VPS41: variants seen among roughly 807,000 people sequenced by gnomAD.
VPS41 encodes the protein VPS41 subunit of HOPS complex.
Under a neutral mutation model 130.9 loss-of-function variants are expected in VPS41, and 85 were observed. The ratio of observed to expected loss-of-function variants is 0.65; its 90% CI spans 0.55 to 0.78. VPS41 has a LOEUF of 0.78. Among genes scored for constraint, VPS41 ranks in the 30% least tolerant of loss-of-function variants. The pLI is 0.00. For missense variants in VPS41, 874 were observed against 1,018.7 expected (o/e 0.86, Z 1.93); for synonymous variants, 335 against 332.9 (o/e 1.01, Z -0.07).
chr7:38,799,459 T>G (rs1784683773), intron 7 of VPS41, among the ~76,000 whole-genome samples: 1 of 151,874 alleles, frequency 6.6e-6, no homozygotes, highest in South Asian at 2.1e-4. Flanking sequence ...CAATCAAAGT[T>G]GTAAAAAAAA....
In VPS41 at chr7:38,830,337, A is replaced by G. The variant is rs1725104058; in HGVS notation, c.247-9T>C. The G allele has an allele frequency of 1.3e-6, 2 of 1,555,756 alleles. No individual in the cohort carries two copies. The highest frequency in any genetic ancestry group is 1.8e-6 in the Non-Finnish European group (2 of 1,126,742). On this transcript the variant is annotated splice_polypyrimidine_tract_variant and intron_variant, in intron 4 of 28. Transcript: ENST00000310301. ...TTTATCTTCACAGGACTCTAAAAAG[A>G]AAAAGACAAAAAGATGTGTAAAACT...
chr7:38,814,408 T>C (rs1251078604), intron 7 of VPS41, among the ~76,000 whole-genome samples: 4 of 152,136 alleles, frequency 2.6e-5, no homozygotes, highest in African/African-American at 7.2e-5. Flanking sequence ...GCCCAGCACT[T>C]TGGAAGGCCG....
At chr7:38,736,562 T>C (rs1295897099) in intron 25 of VPS41, among the ~76,000 whole-genome samples, 1 of 152,250 alleles carries the variant, frequency 6.6e-6, no homozygotes, top group Non-Finnish European at 1.5e-5. Context: ...CAATTCTGTA[T>C]GTGACTCTGG....
chr7:38,902,474 T>TA (rs1272722624), intron 1 of VPS41, among the ~76,000 whole-genome samples: 1 of 152,138 alleles, frequency 6.6e-6, no homozygotes, highest in Non-Finnish European at 1.5e-5. Context: ...GTGGTGTTTT[T>TA]AAAAAAGCTT....
At chr7:38,777,628 C>G (rs1042617733) in intron 10 of VPS41, among the ~76,000 whole-genome samples, 30 of 152,326 alleles carry the variant, frequency 2.0e-4, no homozygotes, top group African/African-American at 3.4e-4. Context: ...AAATCATACT[C>G]TACACTTCAC....
chr7:38,866,778 G>C (rs543734652), intron 3 of VPS41, among the ~76,000 whole-genome samples: 97 of 152,286 alleles, frequency 6.4e-4, no homozygotes, highest in Non-Finnish European at 1.2e-3. Context: ...ACACGTAAAG[G>C]AAAAGTGGAG....
rs1401992063 is a variant in VPS41 at position 38,898,044 on chromosome 7, C to A, written c.60+47G>T. On this transcript the variant is annotated intron_variant, in intron 2 of 28. Coordinates refer to ENST00000310301, the MANE Select transcript of VPS41 (RefSeq NM_014396.4). ...AGCAAAGAAGCGCAACTCAAGAGAA[C>A]AACGTGGTGAGCTACAAATCCGAGG... is the stretch of plus-strand genomic sequence containing the variant. The A allele has an allele frequency of 1.9e-6, 3 of 1,585,342 alleles. No homozygotes were observed. In the East Asian group the frequency reaches 6.7e-5, roughly 35 times the overall value.
At chr7:38,770,079 GACC>G (rs1285445758) in intron 14 of VPS41, among the ~76,000 whole-genome samples, 1 of 152,078 alleles carries the variant, frequency 6.6e-6, no homozygotes, top group African/African-American at 2.4e-5. Context: ...AGACCAGCCT[GACC>G]AACATGGAGA....
At chr7:38,748,348 G>T (rs1471556467) in intron 22 of VPS41, among the ~76,000 whole-genome samples, 1 of 152,014 alleles carries the variant, frequency 6.6e-6, no homozygotes, top group African/African-American at 2.4e-5. Context: ...TAGTATGAAG[G>T]TAAAGAATGA....
intron 2 of VPS41, among the ~76,000 whole-genome samples, chr7:38,873,583 G>T (rs1407071781): frequency 6.6e-6 from 1 of 152,186 alleles, no homozygotes; most frequent in African/African-American, 2.4e-5. Context: ...AACAGTCTGA[G>T]TTAAGATGAC....
intron 15 of VPS41, 41 bp from the exon 16 acceptor site, chr7:38,765,702 T>C (rs773182241): frequency 8.1e-6 from 11 of 1,356,424 alleles, no homozygotes. Flanking sequence ...AAGTATATAT[T>C]AAAAAAACAA....
At chr7:38,782,066 T>C (rs1784364076) in intron 10 of VPS41, among the ~76,000 whole-genome samples, 1 of 152,212 alleles carries the variant, frequency 6.6e-6, no homozygotes, top group African/African-American at 2.4e-5. Flanking sequence ...CTTTCTGAGA[T>C]TTCCTGGCTC....
At chr7:38,796,647 A>G in intron 8 of VPS41, 98 bp downstream of exon 8, 1 of 1,574,168 alleles carries the variant, frequency 6.4e-7, no homozygotes, top group South Asian at 1.1e-5. Flanking sequence ...AATCACCACC[A>G]CAGCAAGTGG....
chr7:38,786,426 T>C (rs184294243), intron 10 of VPS41, among the ~76,000 whole-genome samples: 1 of 152,266 alleles, frequency 6.6e-6, no homozygotes, highest in African/African-American at 2.4e-5. Context: ...TTTCTTACCA[T>C]TACTTATTAT....
chr7:38,745,892 C>T, intron 22 of VPS41: 1 of 347,292 alleles, frequency 2.9e-6, no homozygotes, highest in South Asian at 4.2e-5. Flanking sequence ...AAAGAAAGGG[C>T]CTTTCCCACT....
intron 1 of VPS41, among the ~76,000 whole-genome samples, chr7:38,906,659 T>C (rs1024188151): frequency 5.3e-5 from 8 of 152,174 alleles, no homozygotes; most frequent in African/African-American, 1.9e-4. Flanking sequence ...CTTTTTAAGA[T>C]ACTGACACCA....
chr7:38,728,279 A>G, intron 27 of VPS41: 1 of 629,352 alleles, frequency 1.6e-6, no homozygotes, highest in East Asian at 2.8e-5. Flanking sequence ...CAGAGACTCT[A>G]GGGAGTCTGA....
At chr7:38,734,463 C>T (rs191340332) in intron 25 of VPS41, among the ~76,000 whole-genome samples, 11 of 152,238 alleles carry the variant, frequency 7.2e-5, no homozygotes, top group Non-Finnish European at 1.6e-4. Flanking sequence ...ATATTTTGTG[C>T]TACTGTAAAT....
intron 10 of VPS41, among the ~76,000 whole-genome samples, 190 bp from the exon 11 acceptor site, chr7:38,776,966 T>C (rs1784271792): frequency 6.6e-6 from 1 of 152,188 alleles, no homozygotes; most frequent in South Asian, 2.1e-4. Context: ...GAAACGAATA[T>C]GTGGGAAAGT....
Sources: gnomAD v4.1 joint callset for allele counts (sites outside exome capture counted in the v4.1 genomes callset) on GRCh38, gnomAD v4.1.1 for gene constraint, MANE v1.5 for transcripts, NCBI Gene and HGNC (gene_info 2026-07-23, HGNC 2026-07-21) for gene names.